The following USP3 variants were observed in gnomAD, a reference collection of about 807,000 sequenced individuals.
USP3 encodes the protein ubiquitin specific peptidase 3, also known as ubiquitin carboxyl-terminal hydrolase 3.
In USP3, 20 loss-of-function variants were observed where a neutral mutation model predicts 72.3. The observed-to-expected ratio is 0.28, with a 90% CI of 0.19 to 0.40. USP3 has a LOEUF of 0.40. USP3 is among the 10% of genes least tolerant of loss of function. USP3 has a pLI of 1.00. For synonymous variants in USP3, 222 were observed against 225.3 expected (o/e 0.99, Z 0.13); for missense variants, 479 against 633.9 (o/e 0.76, Z 2.62).
intron 3 of USP3, among the ~76,000 whole-genome samples, chr15:63,552,040 T>C (rs2066444656): frequency 6.6e-6 from 1 of 152,226 alleles, no homozygotes; most frequent in Non-Finnish European, 1.5e-5. Context: ...AACCACTTAT[T>C]TGTGGCAGTT....
intron 3 of USP3, among the ~76,000 whole-genome samples, chr15:63,537,761 C>T (rs2066180271): frequency 6.6e-6 from 1 of 152,110 alleles, no homozygotes; most frequent in Non-Finnish European, 1.5e-5. Context: ...TATCGGCTCA[C>T]CTCAATGTCT....
At chr15:63,530,788 T>TA (rs1423980666) in intron 1 of USP3, among the ~76,000 whole-genome samples, 1 of 152,196 alleles carries the variant, frequency 6.6e-6, no homozygotes, top group Non-Finnish European at 1.5e-5. Context: ...CTTCAAACTG[T>TA]AAAAACATCA....
intron 2 of USP3, among the ~76,000 whole-genome samples, chr15:63,536,064 C>T (rs564442468): frequency 6.6e-6 from 1 of 152,198 alleles, no homozygotes; most frequent in African/African-American, 2.4e-5. Context: ...GCATATGGAG[C>T]CTTATTTCAG....
At chr15:63,572,012 T>C (rs2066786067) in intron 9 of USP3, among the ~76,000 whole-genome samples, 1 of 152,194 alleles carries the variant, frequency 6.6e-6, no homozygotes, top group Admixed American at 6.5e-5. Flanking sequence ...AGGACGGTGG[T>C]ATGGAAGAAA....
intron 9 of USP3, among the ~76,000 whole-genome samples, chr15:63,572,294 AGT>A (rs1451996618): frequency 6.6e-6 from 1 of 152,194 alleles, no homozygotes; most frequent in African/African-American, 2.4e-5. Context: ...TTAATGAAGC[AGT>A]TTCCATTTTA....
intron 1 of USP3, among the ~76,000 whole-genome samples, chr15:63,530,110 C>G (rs1038988770): frequency 6.6e-6 from 1 of 152,164 alleles, no homozygotes; most frequent in Non-Finnish European, 1.5e-5. Flanking sequence ...GCAATCCAGC[C>G]TGGGCGACAG....
At chr15:63,565,748 T>C (rs928026601) in intron 8 of USP3, among the ~76,000 whole-genome samples, 4 of 152,196 alleles carry the variant, frequency 2.6e-5, no homozygotes, top group African/African-American at 9.7e-5. Context: ...ATTTTACAGT[T>C]GTATCATAAT....
chr15:63,504,621 A>C lies in USP3; in HGVS notation c.-119A>C. ...TCTTTGACGCAAGGGCTCGAGACGCAGCCGCCGTCGGCCGAGCGCCCGGCT... is the reference window on the plus strand; with the variant it reads ...TCTTTGACGCAAGGGCTCGAGACGCCGCCGCCGTCGGCCGAGCGCCCGGCT... On this transcript the variant is annotated 5_prime_UTR_variant, in exon 1 of 15. Transcript: ENST00000380324. 1.2e-6 allele frequency: 1 copy of C among 825,586 alleles called. No individual in the cohort carries two copies. Among genetic ancestry groups the C allele is most frequent in the Non-Finnish European group, 1.8e-6 (1 of 564,004 alleles). 51.1% of individuals were successfully genotyped at this position (825,586 alleles called of 1,614,324 possible).
At chr15:63,563,770 TA>T (rs922226111) in intron 8 of USP3, among the ~76,000 whole-genome samples, 3 of 152,050 alleles carry the variant, frequency 2.0e-5, no homozygotes, top group Non-Finnish European at 4.4e-5. Flanking sequence ...TACTTTTCTT[TA>T]AAAAAAATTC....
intron 8 of USP3, among the ~76,000 whole-genome samples, chr15:63,567,081 A>C (rs915453482): frequency 1.3e-5 from 2 of 152,226 alleles, no homozygotes; most frequent in Non-Finnish European, 2.9e-5. Context: ...GTCATAGTTA[A>C]GTATGTGGTG....
At chr15:63,521,103 TC>T (rs572978282) in intron 1 of USP3, among the ~76,000 whole-genome samples, 66 of 151,230 alleles carry the variant, frequency 4.4e-4, no homozygotes, top group African/African-American at 1.6e-3. Context: ...TTTCTTTTTT[TC>T]CCTCACAAAA....
At chr15:63,585,027 CT>C (rs1416829506) in intron 11 of USP3, among the ~76,000 whole-genome samples, 6 of 152,160 alleles carry the variant, frequency 3.9e-5, no homozygotes, top group Non-Finnish European at 8.8e-5. Flanking sequence ...ATTGAGTAGT[CT>C]TGTCATTCTT....
At chr15:63,580,428 ATTAAC>A (rs1180914410) in intron 11 of USP3, among the ~76,000 whole-genome samples, 1 of 151,818 alleles carries the variant, frequency 6.6e-6, no homozygotes, top group Non-Finnish European at 1.5e-5. Flanking sequence ...AAAAATGCAT[ATTAAC>A]TTAATGTATA....
At chr15:63,560,298 C>T (rs1295239479) in intron 7 of USP3, among the ~76,000 whole-genome samples, 1 of 151,840 alleles carries the variant, frequency 6.6e-6, no homozygotes, top group African/African-American at 2.4e-5. Flanking sequence ...TACCTGTAAT[C>T]CCAGCTACTC....
rs1480270519 is a variant in USP3, at chr15:63,574,962, G to A, written c.1096+559G>A. Among the ~76,000 whole-genome samples the A allele has an allele frequency of 2.0e-5, 3 of 152,108 alleles. No homozygotes were observed. The highest frequency in any genetic ancestry group is 1.5e-5 in the Non-Finnish European group (1 of 68,008). On this transcript the variant is annotated intron_variant, in intron 11 of 14. Coordinates refer to ENST00000380324, the MANE Select transcript of USP3 (RefSeq NM_006537.4). This position sits in a 1 kb window ranked among gnomAD's most constrained non-coding sequence, Gnocchi z 4.6. ...TTTAAAATTTTATCCTAGACCATAA[G>A]TGTACAGACAGGTCACAATTAAAAT...
intron 9 of USP3, among the ~76,000 whole-genome samples, chr15:63,571,297 G>C (rs768560794): frequency 1.3e-5 from 2 of 152,196 alleles, no homozygotes; most frequent in African/African-American, 2.4e-5. Context: ...CCCCCAAACA[G>C]AGAGAAAACA....
intron 9 of USP3, among the ~76,000 whole-genome samples, chr15:63,572,842 A>G (rs959517543): frequency 1.3e-5 from 2 of 152,238 alleles, no homozygotes; most frequent in African/African-American, 4.8e-5. Context: ...CAATTGAAAG[A>G]GCTGTGTTAA....
At chr15:63,581,738 A>G (rs1160204796) in intron 11 of USP3, among the ~76,000 whole-genome samples, 1 of 151,488 alleles carries the variant, frequency 6.6e-6, no homozygotes, top group Non-Finnish European at 1.5e-5. Context: ...TCTGTTGCCC[A>G]GGCTAGAGTG....
In USP3 at chr15:63,553,022, C is replaced by T. The variant is rs1478558659; in HGVS notation, c.285-693C>T. On this transcript the variant is annotated intron_variant, in intron 3 of 14. Transcript: ENST00000380324. The surrounding 1 kb of genome is among the most constrained non-coding windows in gnomAD (Gnocchi z 4.2). The stretch of plus-strand genomic sequence containing the variant: ...TTAAAGTTTATATTATGTGTGATTT[C>T]TTACATTATTTGCTTTTTGACTTAT... 6.6e-6 allele frequency among the ~76,000 whole-genome samples: 1 copy of T among 152,148 alleles called. No homozygotes were observed. The highest frequency in any genetic ancestry group is 1.5e-5 in the Non-Finnish European group (1 of 68,010).
Sources: gnomAD v4.1 joint callset for allele counts (sites outside exome capture counted in the v4.1 genomes callset) on GRCh38, gnomAD v4.1.1 for gene constraint, Gnocchi (gnomAD v3.1) non-coding constraint, MANE v1.5 for transcripts, NCBI Gene and HGNC (gene_info 2026-07-23, HGNC 2026-07-21) for gene names.